SMARCAD1: variants seen among roughly 807,000 people sequenced by gnomAD.
SMARCAD1 encodes SNF2 related chromatin remodeling ATPase with DExD box 1.
Under a neutral mutation model 127.1 loss-of-function variants are expected in SMARCAD1, and 25 were observed. The observed-to-expected ratio is 0.20, with a 90% confidence interval of 0.14 to 0.27. The LOEUF (loss-of-function observed/expected upper bound fraction) is 0.27. Among genes scored for constraint, SMARCAD1 ranks in the 10% least tolerant of loss-of-function variants. The probability of loss-of-function intolerance (pLI) is 1.00; values close to 1 mark genes in which losing one functional copy is unlikely to be tolerated. For missense variants in SMARCAD1, 807 were observed against 1,206.0 expected (o/e 0.67, Z 4.90); for synonymous variants, 400 against 396.9 (o/e 1.01, Z -0.09).
chr4:94,266,068 A>G (rs1048608413), intron 10 of SMARCAD1, among the ~76,000 whole-genome samples: 1 of 152,006 alleles, frequency 6.6e-6, no homozygotes, highest in Non-Finnish European at 1.5e-5. Context: ...CTAGGGTGCT[A>G]TGGGATGGTG....
intron 4 of SMARCAD1, among the ~76,000 whole-genome samples, chr4:94,234,896 G>C (rs1254874360): frequency 6.6e-6 from 1 of 152,154 alleles, no homozygotes; most frequent in African/African-American, 2.4e-5. Context: ...AAGTGGTAGA[G>C]ACTAGTATAC....
intron 10 of SMARCAD1, among the ~76,000 whole-genome samples, chr4:94,269,401 G>A (rs1426948607): frequency 2.6e-5 from 4 of 151,942 alleles, no homozygotes; most frequent in Non-Finnish European, 4.4e-5. Context: ...GTGTTTTAGT[G>A]AATATGAGAA....
At position 94,291,145 on chromosome 4, in the gene SMARCAD1, A is replaced by T. The variant is rs1755634686; in HGVS notation, c.*1611A>T. 2.2e-6 allele frequency: 1 copy of T among 452,798 alleles called. No individual in the cohort carries two copies. Among genetic ancestry groups the T allele is most frequent in the South Asian group, 1.6e-5 (1 of 63,830 alleles). 28.0% of individuals were successfully genotyped at this position (452,798 alleles called of 1,614,324 possible). ...TGGATATCTCATGTTTTCTGTATTAATGTATTTTCAATGATAGGCTGTTTC... is the reference window on the plus strand; with the variant it reads ...TGGATATCTCATGTTTTCTGTATTATTGTATTTTCAATGATAGGCTGTTTC... On this transcript the variant is annotated 3_prime_UTR_variant, in exon 24 of 24. Coordinates refer to ENST00000354268, the MANE Select transcript of SMARCAD1 (RefSeq NM_020159.5).
chr4:94,233,529 C>A (rs1746168401), intron 3 of SMARCAD1, among the ~76,000 whole-genome samples: 1 of 152,172 alleles, frequency 6.6e-6, no homozygotes, highest in South Asian at 2.1e-4. Context: ...AGATCCTGAT[C>A]ACACCTAGGT....
At chr4:94,208,176 C>A in intron 1 of SMARCAD1, 106 bp downstream of exon 1, 1 of 690,668 alleles carries the variant, frequency 1.4e-6, no homozygotes. Context: ...TTAAAAGATA[C>A]CCCCGTCCAC....
At chr4:94,289,094 G>T (rs912052046) in intron 23 of SMARCAD1, among the ~76,000 whole-genome samples, 1 of 147,590 alleles carries the variant, frequency 6.8e-6, no homozygotes, top group South Asian at 2.1e-4. Flanking sequence ...ATTGGTTTTC[G>T]TTGGTTTAGG....
intron 9 of SMARCAD1, 127 bp downstream of exon 9, chr4:94,253,134 C>T (rs539737836): frequency 1.3e-6 from 2 of 1,536,188 alleles, no homozygotes; most frequent in South Asian, 2.3e-5. Flanking sequence ...TAAAGTCAAA[C>T]ATTACTTTCA....
At position 94,249,851 on chromosome 4, in the gene SMARCAD1, G is replaced by A. The variant is rs571669751; in HGVS notation, c.807+96G>A. 1.2e-4 allele frequency: 87 copies of A among 736,972 alleles called. 1 individual carries two copies. Among genetic ancestry groups the A allele is most frequent in the East Asian group, 8.8e-4 (35 of 39,704 alleles). The allele number at this position is 736,972 out of a possible 1,614,324, so 45.7% of individuals were successfully genotyped here. ...TCAACCACATAAAAGCTTAGGGTGAGTTTTGTATTCTTCTAATTAAATGTT... is the reference window on the plus strand; with the variant it reads ...TCAACCACATAAAAGCTTAGGGTGAATTTTGTATTCTTCTAATTAAATGTT... On this transcript the variant is annotated intron_variant, in intron 7 of 23. Coordinates refer to ENST00000354268, the MANE Select transcript of SMARCAD1 (RefSeq NM_020159.5).
At chr4:94,210,305 A>G (rs1193454242) in intron 2 of SMARCAD1, among the ~76,000 whole-genome samples, 1 of 152,218 alleles carries the variant, frequency 6.6e-6, no homozygotes, top group African/African-American at 2.4e-5. Flanking sequence ...CCTTGTAGGA[A>G]TGGAGCACTT....
chr4:94,290,541 T>C lies in SMARCAD1; in HGVS notation c.*1007T>C, dbSNP rs376831808. The C allele has an allele frequency of 1.5e-5, 7 of 454,508 alleles. 1 individual carries two copies. The highest frequency in any genetic ancestry group is 6.9e-5 in the East Asian group (1 of 14,398). The allele number at this position is 454,508 out of a possible 1,614,324, so 28.2% of individuals were successfully genotyped here. ...ATAGGTCATTAACTTGAAACTCTTA[T>C]CAAAATATATTTTACCAGTTTCCAG... is the stretch of plus-strand genomic sequence containing the variant. On this transcript the variant is annotated 3_prime_UTR_variant, in exon 24 of 24. Transcript: ENST00000354268.
chr4:94,284,165 C>T (rs972508531), intron 22 of SMARCAD1, among the ~76,000 whole-genome samples: 2 of 139,236 alleles, frequency 1.4e-5, no homozygotes, highest in African/African-American at 2.7e-5. Context: ...ACTAAAAATA[C>T]AAAAAAAAAA....
Position 94,233,966 on chromosome 4 carries a change from T to C in SMARCAD1, c.381T>C (p.Ser127=). ...KDTVIIVSEP[S]EDEESQGLPT... is the part of the protein sequence containing the mutation. Reference sequence around the variant, plus strand: ...AAAATATTTTTAGTTCTGAGCCATCTGAAGATGAAGAGTCCCAAGGCCTTC... The same window carrying C: ...AAAATATTTTTAGTTCTGAGCCATCCGAAGATGAAGAGTCCCAAGGCCTTC... The change falls in exon 4 of 24, where the codon TCT becomes TCC. Residue 127 remains serine, a synonymous_variant. Coordinates refer to ENST00000354268, the MANE Select transcript of SMARCAD1 (RefSeq NM_020159.5). 6.2e-7 allele frequency: 1 copy of C among 1,613,744 alleles called. No individual in the cohort carries two copies. Among genetic ancestry groups the C allele is most frequent in the Admixed American group, 1.7e-5 (1 of 59,996 alleles).
intron 7 of SMARCAD1, 107 bp from the exon 8 acceptor site, chr4:94,250,645 G>A: frequency 1.5e-6 from 1 of 687,036 alleles, no homozygotes; most frequent in Non-Finnish European, 2.4e-6. Context: ...AATCAGATGT[G>A]AATTCTCTGT....
At position 94,208,354 on chromosome 4, in the gene SMARCAD1, T is replaced by C. The variant is rs768945811; in HGVS notation, c.-41T>C. On this transcript the variant is annotated 5_prime_UTR_variant, in exon 2 of 24. Transcript: ENST00000354268. ...TTATTTTTCCCCTGCAGATAGTTCA[T>C]TTAAAGCCCCCATCCCTGCAAGGTG... is the stretch of plus-strand genomic sequence containing the variant. 3.1e-6 allele frequency: 5 copies of C among 1,603,316 alleles called. No homozygotes were observed. Among genetic ancestry groups the C allele is most frequent in the Non-Finnish European group, 4.3e-6 (5 of 1,170,714 alleles).
At chr4:94,275,796 C>CTTTTTTTTTTTTTTTTTTT (rs535710589) in intron 14 of SMARCAD1, among the ~76,000 whole-genome samples, 11 of 85,400 alleles carry the variant, frequency 1.3e-4, no homozygotes, top group Admixed American at 2.5e-4. Flanking sequence ...TTAACATTTT[C>CTTTTTTTTTTTTTTTTTTT]TTTTTTTTTT....
At chr4:94,267,821 TA>T (rs1483562315) in intron 10 of SMARCAD1, among the ~76,000 whole-genome samples, 1 of 152,128 alleles carries the variant, frequency 6.6e-6, no homozygotes, top group Non-Finnish European at 1.5e-5. Context: ...TTCTTAACAG[TA>T]AATTGGTGGT....
At chr4:94,214,407 G>A (rs2125794518) in intron 2 of SMARCAD1, among the ~76,000 whole-genome samples, 1 of 150,770 alleles carries the variant, frequency 6.6e-6, no homozygotes, top group East Asian at 2.0e-4. Context: ...GACTACAGGT[G>A]CCCGCCACCA....
intron 8 of SMARCAD1, 30 bp downstream of exon 8, chr4:94,250,863 A>T (rs1386328495): frequency 2.0e-6 from 3 of 1,501,632 alleles, no homozygotes; most frequent in Non-Finnish European, 2.8e-6. Flanking sequence ...GAAAATACAT[A>T]CTTCTCATTA....
At position 94,276,432 on chromosome 4, in the gene SMARCAD1, G is replaced by A. The variant is rs938957572; in HGVS notation, c.1902G>A (p.Lys634=). The A allele has an allele frequency of 6.2e-7, 1 of 1,614,018 alleles. No individual in the cohort carries two copies. The highest frequency in any genetic ancestry group is 1.3e-5 in the African/African-American group (1 of 74,918). Residue 634 remains lysine, a synonymous_variant, in exon 15 of 24, where the codon AAG becomes AAA. Coordinates refer to ENST00000354268, the MANE Select transcript of SMARCAD1 (RefSeq NM_020159.5). ...YAIFDEGHML[K]NMGSIRYQHL... ...TTTTTGATGAGGGCCATATGCTGAAGAATATGGGCTCCATTCGCTACCAGC... is the reference window on the plus strand; with the variant it reads ...TTTTTGATGAGGGCCATATGCTGAAAAATATGGGCTCCATTCGCTACCAGC...
Sources: gnomAD v4.1 joint callset for allele counts (sites outside exome capture counted in the v4.1 genomes callset) on GRCh38, gnomAD v4.1.1 for gene constraint, MANE v1.5 for transcripts, NCBI Gene and HGNC (gene_info 2026-07-23, HGNC 2026-07-21) for gene names.